Variants in SNAPC3 observed in about 807,000 individuals in gnomAD.
The protein encoded by SNAPC3 is snRNA-activating protein complex subunit 3.
In SNAPC3, 56 loss-of-function variants were observed where a neutral mutation model predicts 47.7. That is an observed-to-expected ratio of 1.18 (90% CI 0.95 to 1.47). The LOEUF is 1.47. Among genes scored for constraint, SNAPC3 ranks in the 40% most tolerant of loss-of-function variants. SNAPC3 has a pLI of 0.00. For synonymous variants in SNAPC3, 235 were observed against 189.9 expected (o/e 1.24, Z -1.95); for missense variants, 665 against 511.3 (o/e 1.30, Z -2.90).
chr9:15,441,403 T>TTTC (rs1432212016), intron 3 of SNAPC3, among the ~76,000 whole-genome samples: 2 of 141,416 alleles, frequency 1.4e-5, no homozygotes, highest in African/African-American at 2.7e-5. Context: ...TTTTTTTTTT[T>TTTC]TTTTAGTATT....
chr9:15,436,568 G>T (rs2131816296), intron 3 of SNAPC3, among the ~76,000 whole-genome samples: 1 of 152,294 alleles, frequency 6.6e-6, no homozygotes, highest in East Asian at 1.9e-4. Context: ...TTTGAAATCA[G>T]GGAGTGTGAG....
chr9:15,423,300 C>T (rs1008184294), intron 1 of SNAPC3, 107 bp downstream of exon 1: 181 of 1,176,986 alleles, frequency 1.5e-4, no homozygotes, highest in African/African-American at 6.5e-5. Flanking sequence ...TGGTTTAGAC[C>T]TGGGCTAGGA....
intron 7 of SNAPC3, among the ~76,000 whole-genome samples, chr9:15,457,691 G>A (rs958694980): frequency 6.6e-6 from 1 of 152,138 alleles, no homozygotes; most frequent in Non-Finnish European, 1.5e-5. Context: ...TCCCTCTTAA[G>A]GGGGGATCAC....
intron 7 of SNAPC3, among the ~76,000 whole-genome samples, chr9:15,456,030 A>ACG (rs1277926504): frequency 1.3e-5 from 2 of 151,960 alleles, no homozygotes; most frequent in Non-Finnish European, 2.9e-5. Context: ...ATGCGCCACC[A>ACG]CGCCCAGCTA....
intron 3 of SNAPC3, 42 bp downstream of exon 3, chr9:15,433,678 C>A: frequency 8.0e-7 from 1 of 1,244,830 alleles, no homozygotes; most frequent in South Asian, 1.2e-5. Context: ...TCTCTTAAAA[C>A]AGTAAACCGA....
chr9:15,428,707 A>G (rs548735192), intron 2 of SNAPC3, among the ~76,000 whole-genome samples: 1 of 152,282 alleles, frequency 6.6e-6, no homozygotes, highest in African/African-American at 2.4e-5. Flanking sequence ...GAAAAAGACA[A>G]TTACCTCATA....
intron 6 of SNAPC3, among the ~76,000 whole-genome samples, chr9:15,452,574 T>C (rs915159204): frequency 6.6e-6 from 1 of 152,158 alleles, no homozygotes; most frequent in African/African-American, 2.4e-5. Flanking sequence ...CACCTCGGCC[T>C]CCCGAAGTGC....
chr9:15,428,431 C>G (rs894086028), intron 2 of SNAPC3, among the ~76,000 whole-genome samples: 2 of 150,802 alleles, frequency 1.3e-5, no homozygotes, highest in Non-Finnish European at 2.9e-5. Flanking sequence ...ATGGCGTGAA[C>G]CTGGGAGGCG....
chr9:15,459,906 CTG>C lies in SNAPC3; in HGVS notation c.*42_*43del. 1 of 1,574,658 alleles carries C rather than the reference CTG, an allele frequency of 6.4e-7. No individual in the cohort carries two copies. Among genetic ancestry groups the C allele is most frequent in the Non-Finnish European group, 8.7e-7 (1 of 1,152,128 alleles). On this transcript the variant is annotated 3_prime_UTR_variant, in exon 9 of 9. Transcript: ENST00000380821. ...ACAAAAATACCCCCTCATGAAATAACTGTTCTCTTGGATGGTTACCTTATTTC... is the reference window on the plus strand; with the variant it reads ...ACAAAAATACCCCCTCATGAAATAACTTCTCTTGGATGGTTACCTTATTTC...
chr9:15,459,081 T>A (rs1273410354), intron 8 of SNAPC3, among the ~76,000 whole-genome samples: 1 of 152,148 alleles, frequency 6.6e-6, no homozygotes, highest in Non-Finnish European at 1.5e-5. Context: ...TTCTGAAAGA[T>A]CAATAGGAAA....
At chr9:15,425,919 T>C (rs1023234395) in intron 2 of SNAPC3, among the ~76,000 whole-genome samples, 3 of 152,248 alleles carry the variant, frequency 2.0e-5, no homozygotes, top group Non-Finnish European at 4.4e-5. Context: ...CTGAGTGCAA[T>C]GGTGCGATCC....
At chr9:15,459,656 T>C in intron 8 of SNAPC3, 63 bp from the exon 9 acceptor site, 1 of 1,316,254 alleles carries the variant, frequency 7.6e-7, no homozygotes, top group Non-Finnish European at 1.1e-6. Context: ...CTACAGGTCA[T>C]AAAGCATGTT....
intron 7 of SNAPC3, among the ~76,000 whole-genome samples, chr9:15,456,312 TTCC>T (rs1446106649): frequency 1.3e-5 from 2 of 152,156 alleles, no homozygotes; most frequent in African/African-American, 4.8e-5. Flanking sequence ...GCCTGGCCTT[TTCC>T]GTACATTTCT....
downstream of SNAPC3, chr9:15,464,235 A>G (rs936876424): frequency 5.2e-6 from 1 of 192,496 alleles, no homozygotes; most frequent in African/African-American, 2.3e-5. Flanking sequence ...GACCTCTTTA[A>G]AAGCAAAAAT....
chr9:15,424,342 T>C (rs1486702639), intron 2 of SNAPC3, among the ~76,000 whole-genome samples: 1 of 152,240 alleles, frequency 6.6e-6, no homozygotes, highest in Non-Finnish European at 1.5e-5. Flanking sequence ...TTGTGTTTAT[T>C]TTTTAATATT....
rs2035153807 is a variant in SNAPC3, at chr9:15,460,823, T to G, written c.*957T>G. 1 of 152,250 alleles carries G rather than the reference T, an allele frequency of 6.6e-6. No homozygotes were observed. The highest frequency in any genetic ancestry group is 1.5e-5 in the Non-Finnish European group (1 of 68,038). 9.4% of individuals were successfully genotyped at this position (152,250 alleles called of 1,614,324 possible). A position where few individuals can be genotyped will look rare whatever the true frequency, so the allele number is the denominator to read the frequency against. On this transcript the variant is annotated 3_prime_UTR_variant, in exon 9 of 9. Coordinates refer to ENST00000380821, the MANE Select transcript of SNAPC3 (RefSeq NM_001039697.2). ...TAAAAAGATCTTGAGTATATACTCA[T>G]AACTCCAGAAATAACATTAACTTGA...
intron 7 of SNAPC3, among the ~76,000 whole-genome samples, chr9:15,457,414 G>A (rs1045486983): frequency 1.3e-5 from 2 of 151,974 alleles, no homozygotes; most frequent in Non-Finnish European, 2.9e-5. Context: ...GGACAACATA[G>A]TGAGACCGTG....
chr9:15,461,877 G>A (rs1455633076), downstream of SNAPC3: 3 of 152,132 alleles, frequency 2.0e-5, no homozygotes, highest in African/African-American at 7.2e-5. Flanking sequence ...TAAGAGGCTG[G>A]CTTATGTTAT....
Position 15,444,720 on chromosome 9 carries a change from C to G in SNAPC3, c.582+14C>G, listed in dbSNP as rs745502513. 3 of 1,389,874 alleles carry G rather than the reference C, an allele frequency of 2.2e-6. No homozygotes were observed. The highest frequency in any genetic ancestry group is 3.0e-6 in the Non-Finnish European group (3 of 987,892). 86.1% of individuals were successfully genotyped at this position (1,389,874 alleles called of 1,614,324 possible). On this transcript the variant is annotated intron_variant, in intron 4 of 8. Transcript: ENST00000380821. ...ATATTTCATAAGGTAAGTAGTAAAA[C>G]CTTTTGGATTTTATGGATAATAGTA...
Sources: gnomAD v4.1 joint callset for allele counts (sites outside exome capture counted in the v4.1 genomes callset) on GRCh38, gnomAD v4.1.1 for gene constraint, MANE v1.5 for transcripts, NCBI Gene and HGNC (gene_info 2026-07-23, HGNC 2026-07-21) for gene names.